Variants in DCAF12 observed in about 807,000 individuals in gnomAD.
The protein encoded by DCAF12 is DDB1- and CUL4-associated factor 12.
In DCAF12, 28 loss-of-function variants were observed where a neutral mutation model predicts 52.8. That is an observed-to-expected ratio of 0.53 (90% CI 0.39 to 0.73). The LOEUF (loss-of-function observed/expected upper bound fraction) is 0.73. Among genes scored for constraint, DCAF12 ranks in the 30% least tolerant of loss-of-function variants. DCAF12 has a pLI of 0.00. For synonymous variants in DCAF12, 196 were observed against 215.5 expected, an observed-to-expected ratio of 0.91 and a Z score of 0.79; for missense variants, 425 against 552.2, an observed-to-expected ratio of 0.77 and a Z score of 2.31.
At chr9:34,096,543 G>A (rs905031406) in intron 6 of DCAF12, among the ~76,000 whole-genome samples, 173 bp downstream of exon 6, 3 of 152,154 alleles carry the variant, frequency 2.0e-5, no homozygotes, top group South Asian at 2.1e-4. Context: ...GGCAGAGGTT[G>A]CAGTGAGCCA....
rs183479704 is a variant in DCAF12 at position 34,112,388 on chromosome 9, G to A, written c.334-4823C>T. ...AGGCAGGCGGATCACCTGGGGTCAG[G>A]ACTTCAAGACCAGCCTGGCCAACAT... On this transcript the variant is annotated intron_variant, in intron 2 of 8. Transcript: ENST00000361264. 5.0e-3 allele frequency among the ~76,000 whole-genome samples: 759 copies of A among 152,186 alleles called. 5 individuals are homozygous for A. Among genetic ancestry groups the A allele is most frequent in the Non-Finnish European group, 5.8e-3 (394 of 68,024 alleles).
At chr9:34,098,232 T>C in intron 5 of DCAF12, 92 bp downstream of exon 5, 1 of 1,338,716 alleles carries the variant, frequency 7.5e-7, no homozygotes, top group Non-Finnish European at 1.0e-6. Flanking sequence ...CCATGCTATG[T>C]AGCAAGCACT....
chr9:34,094,744 A>G (rs1010967675), intron 6 of DCAF12, among the ~76,000 whole-genome samples: 2 of 151,598 alleles, frequency 1.3e-5, no homozygotes, highest in Middle Eastern at 3.2e-3. Context: ...GTTAGCCAGG[A>G]TGGTCTCAAT....
chr9:34,113,629 C>T (rs1259100893), intron 2 of DCAF12, among the ~76,000 whole-genome samples: 1 of 152,002 alleles, frequency 6.6e-6, no homozygotes, highest in African/African-American at 2.4e-5. Flanking sequence ...CATGAGCCAC[C>T]GCACCAAGGC....
Position 34,094,617 on chromosome 9 carries a change from A to G in DCAF12, c.862-1169T>C, listed in dbSNP as rs375504185. 2.0e-3 allele frequency among the ~76,000 whole-genome samples: 284 copies of G among 141,466 alleles called. 1 individual carries two copies. The highest frequency in any genetic ancestry group is 3.6e-3 in the Non-Finnish European group (239 of 66,112). The allele number at this position is 141,466 out of a possible 152,430, so 92.8% of individuals were successfully genotyped here. ...GCGATCTCAGCTCACTGCAAGCTCC[A>G]CCTCCTGGGTTCACACCATTCTCCT... On this transcript the variant is annotated intron_variant, in intron 6 of 8. Transcript: ENST00000361264.
Position 34,126,351 on chromosome 9 carries a change from C to G in DCAF12, c.78+3G>C. ...ACCCAGGTGCCGGCCTCTCAACCCT[C>G]ACCTGCGGGCCCTGAGCGTCGCTCC... On this transcript the variant is annotated splice_donor_region_variant and intron_variant, in intron 1 of 8. Transcript: ENST00000361264. 1 of 1,612,458 alleles carries G rather than the reference C, an allele frequency of 6.2e-7. No homozygotes were observed. Among genetic ancestry groups the G allele is most frequent in the Non-Finnish European group, 8.5e-7 (1 of 1,179,726 alleles).
chr9:34,119,674 C>T (rs1397603829), intron 2 of DCAF12, among the ~76,000 whole-genome samples: 1 of 147,650 alleles, frequency 6.8e-6, no homozygotes, highest in Non-Finnish European at 1.5e-5. Flanking sequence ...TTAGGCTCTT[C>T]TTTCAACAAA....
chr9:34,119,604 G>A (rs922849300), intron 2 of DCAF12, among the ~76,000 whole-genome samples: 8 of 151,864 alleles, frequency 5.3e-5, no homozygotes, highest in South Asian at 2.1e-4. Flanking sequence ...TGTTAAAAAC[G>A]ACTTTTCCTT....
chr9:34,116,212 C>T (rs1439612409), intron 2 of DCAF12, among the ~76,000 whole-genome samples: 1 of 151,692 alleles, frequency 6.6e-6, no homozygotes, highest in East Asian at 1.9e-4. Context: ...TAAAAATTAG[C>T]CGGGCATGGT....
At chr9:34,101,888 C>T (rs574708308) in intron 4 of DCAF12, among the ~76,000 whole-genome samples, 30 of 151,122 alleles carry the variant, frequency 2.0e-4, no homozygotes, top group Non-Finnish European at 3.2e-4. Context: ...TGGTGGGGCA[C>T]GCCTGTGGTC....
chr9:34,116,501 CCT>C (rs1217929934), intron 2 of DCAF12, among the ~76,000 whole-genome samples: 2 of 151,904 alleles, frequency 1.3e-5, no homozygotes, highest in South Asian at 2.1e-4. Context: ...TGAATGAAAC[CCT>C]GTCTCCATTA....
At chr9:34,116,091 C>A (rs563317877) in intron 2 of DCAF12, among the ~76,000 whole-genome samples, 1 of 152,208 alleles carries the variant, frequency 6.6e-6, no homozygotes, top group Non-Finnish European at 1.5e-5. Context: ...GGGCTGGGTG[C>A]GGTGGCTCAC....
At chr9:34,105,640 T>C (rs1291294772) in intron 4 of DCAF12, among the ~76,000 whole-genome samples, 7 of 152,174 alleles carry the variant, frequency 4.6e-5, no homozygotes, top group East Asian at 3.9e-4. Flanking sequence ...AATGAGACAC[T>C]GTCTCAAAAA....
intron 2 of DCAF12, chr9:34,109,876 T>C: frequency 3.8e-6 from 1 of 262,980 alleles, no homozygotes; most frequent in Non-Finnish European, 8.0e-6. Context: ...GCAAAAGGTC[T>C]CGTCTGTGTT....
chr9:34,099,095 T>C (rs1828786445), intron 4 of DCAF12, among the ~76,000 whole-genome samples: 1 of 147,838 alleles, frequency 6.8e-6, no homozygotes, highest in Non-Finnish European at 1.5e-5. Context: ...TGAGACAGAG[T>C]CTCGCTCTAT....
chr9:34,098,530 G>A lies in DCAF12; in HGVS notation c.602-13C>T. On this transcript the variant is annotated splice_polypyrimidine_tract_variant and intron_variant, in intron 4 of 8. Coordinates refer to ENST00000361264, the MANE Select transcript of DCAF12 (RefSeq NM_015397.4). ...CCATCACGTGAGCCTGCAGGGCCAG[G>A]AGAACACAGATGTCAGATGTACCCA... 1 of 1,608,478 alleles carries A rather than the reference G, an allele frequency of 6.2e-7. No homozygotes were observed. The highest frequency in any genetic ancestry group is 8.5e-7 in the Non-Finnish European group (1 of 1,176,970).
chr9:34,125,921 G>A (rs1371350451), intron 1 of DCAF12, among the ~76,000 whole-genome samples: 1 of 152,186 alleles, frequency 6.6e-6, no homozygotes, highest in Non-Finnish European at 1.5e-5. Flanking sequence ...AACGCCGAAA[G>A]GCCCAGCTCA....
chr9:34,091,338 A>G (rs1268333627), intron 7 of DCAF12, among the ~76,000 whole-genome samples: 3 of 151,942 alleles, frequency 2.0e-5, no homozygotes, highest in Non-Finnish European at 4.4e-5. Flanking sequence ...CAACAACAAC[A>G]ACAAAAAAGA....
intron 2 of DCAF12, among the ~76,000 whole-genome samples, chr9:34,110,828 C>A (rs1413198606): frequency 6.6e-6 from 1 of 150,838 alleles, no homozygotes; most frequent in Non-Finnish European, 1.5e-5. Context: ...TCTCCTCAGT[C>A]CAGCCTCTAC....
Sources: gnomAD v4.1 joint callset for allele counts (sites outside exome capture counted in the v4.1 genomes callset) on GRCh38, gnomAD v4.1.1 for gene constraint, MANE v1.5 for transcripts, NCBI Gene and HGNC (gene_info 2026-07-23, HGNC 2026-07-21) for gene names.